The following OSBPL10 variants were observed in gnomAD, a reference collection of about 807,000 sequenced individuals.
The protein encoded by OSBPL10 is oxysterol-binding protein-related protein 10.
In OSBPL10, 49 loss-of-function variants were observed where a neutral mutation model predicts 81.7. That is an observed-to-expected ratio of 0.60 (90% CI 0.48 to 0.76). OSBPL10 has a LOEUF of 0.76. Ranked by LOEUF, OSBPL10 falls within the 30% of genes least tolerant of loss-of-function variation. OSBPL10 has a pLI of 0.00. For synonymous variants in OSBPL10, 419 were observed against 383.6 expected, an observed-to-expected ratio of 1.09 and a Z score of -1.08; for missense variants, 923 against 987.8, an observed-to-expected ratio of 0.93 and a Z score of 0.88.
intron 6 of OSBPL10, among the ~76,000 whole-genome samples, chr3:31,723,286 C>T (rs1409288692): frequency 1.3e-5 from 2 of 152,162 alleles, no homozygotes; most frequent in African/African-American, 4.8e-5. Flanking sequence ...GGTGACAGAG[C>T]ACCGCATGAC....
Position 31,797,056 on chromosome 3 carries a change from G to A in OSBPL10, c.729+32984C>T, listed in dbSNP as rs373793678. Among the ~76,000 whole-genome samples, 21 of 146,120 alleles carry A rather than the reference G, an allele frequency of 1.4e-4. No individual in the cohort carries two copies. The East Asian group carries it at 2.2e-3, about 15-fold the overall frequency. ...TGTTGCCAGGCTGGAGTGCAATGGC[G>A]CCATCTTGGCTCACTGCAAACTCTT... On this transcript the variant is annotated intron_variant, in intron 4 of 11. Transcript: ENST00000396556.
chr3:32,055,589 ATTC>A (rs1353196359), intron 1 of OSBPL10, among the ~76,000 whole-genome samples: 2 of 152,210 alleles, frequency 1.3e-5, no homozygotes, highest in African/African-American at 2.4e-5. Flanking sequence ...AGTTGTGAGT[ATTC>A]TTATCAATAT....
chr3:31,848,140 C>T (rs1464359957), intron 3 of OSBPL10, among the ~76,000 whole-genome samples: 1 of 152,104 alleles, frequency 6.6e-6, no homozygotes, highest in Non-Finnish European at 1.5e-5. Context: ...CAGGGGACAC[C>T]TGCCCTGAAG....
chr3:32,036,377 C>G (rs72855561), intron 2 of OSBPL10, among the ~76,000 whole-genome samples: 2,357 of 152,240 alleles, frequency 0.015, 57 homozygotes, highest in African/African-American at 0.053. Flanking sequence ...AAACAAGGAA[C>G]TATTGATTCC....
At chr3:31,759,567 T>G (rs1398480884) in intron 4 of OSBPL10, among the ~76,000 whole-genome samples, 1 of 152,154 alleles carries the variant, frequency 6.6e-6, no homozygotes, top group Non-Finnish European at 1.5e-5. Context: ...TACAGAATTT[T>G]TATGTATATA....
intron 4 of OSBPL10, among the ~76,000 whole-genome samples, chr3:31,778,926 CAA>C (rs1379602819): frequency 6.6e-6 from 1 of 152,108 alleles, no homozygotes; most frequent in Non-Finnish European, 1.5e-5. Flanking sequence ...CCTCCTCAAA[CAA>C]AATAATTCCG....
At chr3:31,747,487 T>TCAAAAAAAAA (rs1553620893) in intron 5 of OSBPL10, among the ~76,000 whole-genome samples, 9 of 98,466 alleles carry the variant, frequency 9.1e-5, no homozygotes, top group East Asian at 3.5e-4. Context: ...AATCTTCAAA[T>TCAAAAAAAAA]AAAAAAAAAA....
chr3:31,938,127 G>A (rs764953606), intron 1 of OSBPL10, among the ~76,000 whole-genome samples: 1 of 151,994 alleles, frequency 6.6e-6, no homozygotes, highest in Non-Finnish European at 1.5e-5. Context: ...GATCTCTCAT[G>A]CCACCTCTCC....
chr3:31,747,224 G>A (rs902086895), intron 5 of OSBPL10, among the ~76,000 whole-genome samples: 33 of 151,550 alleles, frequency 2.2e-4, no homozygotes, highest in Admixed American at 1.6e-3. Context: ...AGGCTGAGGC[G>A]GGAGAATCTC....
chr3:31,926,374 G>A (rs1454873205), intron 1 of OSBPL10, among the ~76,000 whole-genome samples: 1 of 150,182 alleles, frequency 6.7e-6, no homozygotes, highest in Non-Finnish European at 1.5e-5. Context: ...ACTGGGGAGA[G>A]GTCAGGGATG....
At chr3:31,847,337 C>T (rs1031444341) in intron 3 of OSBPL10, among the ~76,000 whole-genome samples, 9 of 152,074 alleles carry the variant, frequency 5.9e-5, no homozygotes, top group African/African-American at 1.9e-4. Context: ...GCTGGGAGTA[C>T]AGGCGTGCCC....
Position 31,980,855 on chromosome 3 carries a change from ACACAC to A in OSBPL10, c.281+39_281+43del, listed in dbSNP as rs889216709. ...CACACACGCACGCACACACACACAC[ACACAC>A]ACAGCGGCGCGCGGTGGCGCGGGCG... On this transcript the variant is annotated intron_variant, in intron 1 of 11. Coordinates refer to ENST00000396556, the MANE Select transcript of OSBPL10 (RefSeq NM_017784.5). 2.6e-6 allele frequency: 4 copies of A among 1,520,066 alleles called. No homozygotes were observed. The African/African-American group carries it at 5.7e-5, about 22-fold the overall frequency. 94.2% of individuals were successfully genotyped at this position (1,520,066 alleles called of 1,614,324 possible).
chr3:31,771,835 C>G (rs191104620), intron 4 of OSBPL10, among the ~76,000 whole-genome samples: 1 of 152,178 alleles, frequency 6.6e-6, no homozygotes, highest in African/African-American at 2.4e-5. Context: ...CCCTATAACC[C>G]GTTACAGAAA....
At chr3:31,834,333 G>A (rs978618883) in intron 3 of OSBPL10, among the ~76,000 whole-genome samples, 2 of 152,176 alleles carry the variant, frequency 1.3e-5, no homozygotes, top group South Asian at 2.1e-4. Context: ...TGGAAAATTC[G>A]GAGTCGAGAG....
At chr3:31,671,202 G>A (rs1212257272) in intron 8 of OSBPL10, among the ~76,000 whole-genome samples, 2 of 152,210 alleles carry the variant, frequency 1.3e-5, no homozygotes, top group African/African-American at 4.8e-5. Flanking sequence ...CCCTCAGAAA[G>A]CAGAAGAGAA....
At chr3:31,910,916 T>C (rs1696555748) in intron 1 of OSBPL10, among the ~76,000 whole-genome samples, 1 of 152,232 alleles carries the variant, frequency 6.6e-6, no homozygotes, top group Admixed American at 6.5e-5. Flanking sequence ...AATCATTATG[T>C]AACCCAGCAG....
At chr3:32,071,196 A>G (rs891406329) in intron 1 of OSBPL10, among the ~76,000 whole-genome samples, 1 of 152,102 alleles carries the variant, frequency 6.6e-6, no homozygotes, top group Non-Finnish European at 1.5e-5. Context: ...ATAAAAACAC[A>G]TGTGCTCTCC....
At chr3:31,766,377 T>C (rs1050710914) in intron 4 of OSBPL10, among the ~76,000 whole-genome samples, 1 of 137,504 alleles carries the variant, frequency 7.3e-6, no homozygotes, top group African/African-American at 2.6e-5. Context: ...TCTCACTTCA[T>C]CACCACCCAA....
At chr3:31,739,749 T>C (rs973092366) in intron 5 of OSBPL10, among the ~76,000 whole-genome samples, 1 of 152,212 alleles carries the variant, frequency 6.6e-6, no homozygotes, top group Non-Finnish European at 1.5e-5. Flanking sequence ...CCTCCAAAAC[T>C]GAGAAATTTT....
Sources: allele counts gnomAD v4.1 joint callset (sites outside exome capture counted in the v4.1 genomes callset), GRCh38; gene constraint gnomAD v4.1.1; transcripts MANE v1.5; gene names NCBI Gene and HGNC (gene_info 2026-07-23, HGNC 2026-07-21).